Variants in LRRC49 observed in about 807,000 individuals in gnomAD.
The protein encoded by LRRC49 is leucine rich repeat containing 49.
LRRC49 carries 50 observed loss-of-function variants against 83.3 expected under a neutral mutation model. The observed-to-expected ratio is 0.60, with a 90% CI of 0.48 to 0.76. The LOEUF (loss-of-function observed/expected upper bound fraction) is 0.76. LRRC49 is among the 30% of genes least tolerant of loss of function. The pLI is 0.00. For synonymous variants in LRRC49, 286 were observed against 283.3 expected (o/e 1.01, Z -0.10); for missense variants, 704 against 809.1 (o/e 0.87, Z 1.58).
intron 11 of LRRC49, among the ~76,000 whole-genome samples, chr15:70,992,096 T>C (rs1487780925): frequency 2.6e-5 from 4 of 152,242 alleles, no homozygotes; most frequent in African/African-American, 9.6e-5. Flanking sequence ...TTCCAGTTGA[T>C]TGAATTGGCT....
upstream of LRRC49, chr15:70,892,462 A>ATCT (rs2033622207): frequency 2.0e-6 from 3 of 1,532,950 alleles, no homozygotes; most frequent in South Asian, 3.6e-5. Flanking sequence ...GCTCTTTGAT[A>ATCT]TCTTCCTCCT....
chr15:70,929,894 C>T (rs2035343867), intron 7 of LRRC49, among the ~76,000 whole-genome samples: 1 of 152,176 alleles, frequency 6.6e-6, no homozygotes, highest in Non-Finnish European at 1.5e-5. Context: ...TTAGGCTCCA[C>T]TTTTAGTTCT....
intron 15 of LRRC49, among the ~76,000 whole-genome samples, chr15:71,045,048 A>G (rs1044576875): frequency 2.0e-5 from 3 of 150,960 alleles, no homozygotes; most frequent in Admixed American, 6.6e-5. Flanking sequence ...CCACCACCAC[A>G]CCTGGCTAAT....
chr15:71,006,184 C>A (rs563941540), intron 11 of LRRC49, among the ~76,000 whole-genome samples: 90 of 152,266 alleles, frequency 5.9e-4, no homozygotes, highest in African/African-American at 2.1e-3. Context: ...CTGAATGTAG[C>A]CTTGTTTATT....
At chr15:71,029,675 A>G (rs2039287080) in intron 14 of LRRC49, among the ~76,000 whole-genome samples, 1 of 152,124 alleles carries the variant, frequency 6.6e-6, no homozygotes, top group African/African-American at 2.4e-5. Flanking sequence ...GTAGGTCTCT[A>G]AGAAGTTGTT....
intron 9 of LRRC49, among the ~76,000 whole-genome samples, chr15:70,975,753 A>G (rs540070627): frequency 3.9e-5 from 6 of 152,230 alleles, no homozygotes; most frequent in Admixed American, 1.3e-4. Flanking sequence ...CCTCAAGCTC[A>G]CATTTAATTG....
At chr15:71,008,205 G>T (rs2038527948) in intron 11 of LRRC49, among the ~76,000 whole-genome samples, 174 bp from the exon 12 acceptor site, 2 of 151,666 alleles carry the variant, frequency 1.3e-5, no homozygotes, top group South Asian at 4.2e-4. Context: ...TATATGATTA[G>T]AATAATACAA....
At chr15:70,982,877 C>T (rs2037455658) in intron 10 of LRRC49, among the ~76,000 whole-genome samples, 1 of 152,180 alleles carries the variant, frequency 6.6e-6, no homozygotes. Context: ...GCCATGCATA[C>T]ATGCTAAAAT....
intron 11 of LRRC49, among the ~76,000 whole-genome samples, chr15:70,996,509 T>C (rs1180713107): frequency 6.6e-6 from 1 of 152,140 alleles, no homozygotes; most frequent in Non-Finnish European, 1.5e-5. Flanking sequence ...CTCTTTTTTT[T>C]AAGTGGTATC....
intron 11 of LRRC49, among the ~76,000 whole-genome samples, chr15:70,986,610 A>G (rs892250137): frequency 6.7e-6 from 1 of 149,618 alleles, no homozygotes; most frequent in African/African-American, 2.5e-5. Context: ...TCTTTTCCTA[A>G]TTGAATACCC....
rs1237852225 is a variant in LRRC49 at position 71,053,398 on chromosome 15, G to A, written c.*3786G>A. Reference sequence around the variant, plus strand: ...TGAATGGAACATCTGCTGGGAGGAAGGATCAGGAATTCCGTCTTATGGAAT... The same window carrying A: ...TGAATGGAACATCTGCTGGGAGGAAAGATCAGGAATTCCGTCTTATGGAAT... On this transcript the variant is annotated 3_prime_UTR_variant, in exon 16 of 16. Coordinates refer to ENST00000260382, the MANE Select transcript of LRRC49 (RefSeq NM_017691.5). 1 of 152,126 alleles carries A rather than the reference G, an allele frequency of 6.6e-6. No homozygotes were observed. The highest frequency in any genetic ancestry group is 1.5e-5 in the Non-Finnish European group (1 of 68,024). The allele number at this position is 152,126 out of a possible 1,614,324, so 9.4% of individuals were successfully genotyped here.
In LRRC49 at chr15:71,051,389, T is replaced by G. The variant is rs767565559; in HGVS notation, c.*1777T>G. ...CAGAGGAGCTATTAGCATTGCTTTCTGATCCTTTAGCCTCTCCAAACTGAA... is the reference window on the plus strand; with the variant it reads ...CAGAGGAGCTATTAGCATTGCTTTCGGATCCTTTAGCCTCTCCAAACTGAA... On this transcript the variant is annotated 3_prime_UTR_variant, in exon 16 of 16. Transcript: ENST00000260382. The G allele has an allele frequency of 1.3e-5, 2 of 152,270 alleles. No homozygotes were observed. Among genetic ancestry groups the G allele is most frequent in the Non-Finnish European group, 2.9e-5 (2 of 68,066 alleles). 9.4% of individuals were successfully genotyped at this position (152,270 alleles called of 1,614,324 possible).
At chr15:70,922,171 G>A (rs1001052829) in intron 7 of LRRC49, among the ~76,000 whole-genome samples, 8 of 152,126 alleles carry the variant, frequency 5.3e-5, no homozygotes, top group African/African-American at 1.9e-4. Context: ...CAGTCCTACT[G>A]TTGGGTATAT....
At chr15:70,902,523 G>A (rs1440320389) in intron 4 of LRRC49, 1 of 152,214 alleles carries the variant, frequency 6.6e-6, no homozygotes, top group Non-Finnish European at 1.5e-5. Context: ...GAACCAGGAT[G>A]TGCAGTCAAG....
intron 11 of LRRC49, among the ~76,000 whole-genome samples, chr15:71,001,928 T>C (rs969232775): frequency 2.0e-5 from 3 of 152,184 alleles, no homozygotes; most frequent in African/African-American, 7.2e-5. Flanking sequence ...CCTGACCTTG[T>C]GATCCGCCCA....
At chr15:70,976,433 C>T (rs764068450) in intron 9 of LRRC49, among the ~76,000 whole-genome samples, 5 of 152,126 alleles carry the variant, frequency 3.3e-5, no homozygotes, top group Non-Finnish European at 5.9e-5. Flanking sequence ...TTAAAACACA[C>T]CTTGCCATTT....
At chr15:70,888,594 A>C (rs907457401), upstream of LRRC49, among the ~76,000 whole-genome samples, 1 of 152,204 alleles carries the variant, frequency 6.6e-6, no homozygotes, top group African/African-American at 2.4e-5. Flanking sequence ...TTAAGTATTA[A>C]GAATAAGGAA....
chr15:71,044,703 T>G (rs2039798845), intron 15 of LRRC49, among the ~76,000 whole-genome samples: 1 of 151,704 alleles, frequency 6.6e-6, no homozygotes, highest in African/African-American at 2.4e-5. Context: ...GGAGGGTCGT[T>G]TGAGCCTGGG....
chr15:70,912,822 G>T (rs1292047930), intron 6 of LRRC49, among the ~76,000 whole-genome samples: 2 of 151,894 alleles, frequency 1.3e-5, no homozygotes, highest in African/African-American at 4.8e-5. Context: ...GACTACAGGT[G>T]CCCGCCACCA....
Sources: allele counts gnomAD v4.1 joint callset (sites outside exome capture counted in the v4.1 genomes callset), GRCh38; gene constraint gnomAD v4.1.1; transcripts MANE v1.5; gene names NCBI Gene and HGNC (gene_info 2026-07-23, HGNC 2026-07-21).